The following DNAJC21 variants were observed in gnomAD, a reference collection of about 807,000 sequenced individuals.
DNAJC21 encodes the protein dnaJ homolog subfamily C member 21.
Under a neutral mutation model 72.4 loss-of-function variants are expected in DNAJC21, and 63 were observed. That is an observed-to-expected ratio of 0.87 (90% CI 0.71 to 1.07). The LOEUF (loss-of-function observed/expected upper bound fraction) is 1.07, where lower values mean the gene tolerates loss of function less well. Among genes scored for constraint, DNAJC21 ranks in the 50% least tolerant of loss-of-function variants. The probability of loss-of-function intolerance (pLI) is 0.00; values close to 1 mark genes in which losing one functional copy is unlikely to be tolerated. For missense variants in DNAJC21, 634 were observed against 644.8 expected, an observed-to-expected ratio of 0.98 and a Z score of 0.18; for synonymous variants, 203 against 216.7, an observed-to-expected ratio of 0.94 and a Z score of 0.56.
chr5:34,944,556 C>T (rs993748568), intron 7 of DNAJC21, among the ~76,000 whole-genome samples: 1 of 151,888 alleles, frequency 6.6e-6, no homozygotes, highest in Non-Finnish European at 1.5e-5. Flanking sequence ...TGCCGACATT[C>T]CCCCATCCCC....
At chr5:34,950,929 G>C (rs2112097101) in intron 10 of DNAJC21, 1 of 985,378 alleles carries the variant, frequency 1.0e-6, no homozygotes, top group Non-Finnish European at 1.2e-6. Flanking sequence ...GGTTCCTCTA[G>C]AACAGAGAAT....
intron 4 of DNAJC21, 94 bp downstream of exon 4, chr5:34,936,360 C>A: frequency 6.9e-7 from 1 of 1,456,340 alleles, no homozygotes; most frequent in Non-Finnish European, 9.3e-7. Context: ...ACTCTGTCAC[C>A]CAGGCTGCAG....
At position 34,956,539 on chromosome 5, in the gene DNAJC21, TTATGAA is replaced by T. The variant is rs1765543397; in HGVS notation, c.*1828_*1833del. On this transcript the variant is annotated 3_prime_UTR_variant, in exon 12 of 12. Coordinates refer to ENST00000648817, the MANE Select transcript of DNAJC21 (RefSeq NM_001012339.3). The stretch of plus-strand genomic sequence containing the variant: ...TCTGAACTAGATGAATTGGCCATAA[TTATGAA>T]TAGGAATATTAATGAACCAGAGGAC... 1 of 152,176 alleles carries T rather than the reference TTATGAA, an allele frequency of 6.6e-6. No homozygotes were observed. Among genetic ancestry groups the T allele is most frequent in the Non-Finnish European group, 1.5e-5 (1 of 68,034 alleles). 9.4% of individuals were successfully genotyped at this position (152,176 alleles called of 1,614,324 possible). A position where few individuals can be genotyped will look rare whatever the true frequency, so the allele number is the denominator to read the frequency against.
chr5:34,954,545 C>T lies in DNAJC21; in HGVS notation c.1435-8C>T, dbSNP rs1765476629. 2 of 1,589,148 alleles carry T rather than the reference C, an allele frequency of 1.3e-6. No individual in the cohort carries two copies. Among genetic ancestry groups the T allele is most frequent in the East Asian group, 2.3e-5 (1 of 44,230 alleles). On this transcript the variant is annotated splice_polypyrimidine_tract_variant and splice_region_variant and intron_variant, in intron 11 of 11. Transcript: ENST00000648817. ...TTACTTTTATTTATGATTTTTTGCCCTTCTCAGAGTGTTCTTATCAGCTGT... is the reference window on the plus strand; with the variant it reads ...TTACTTTTATTTATGATTTTTTGCCTTTCTCAGAGTGTTCTTATCAGCTGT...
chr5:34,945,046 T>G, intron 8 of DNAJC21, 21 bp downstream of exon 8: 1 of 1,607,384 alleles, frequency 6.2e-7, no homozygotes, highest in Non-Finnish European at 8.5e-7. Flanking sequence ...ATATTAAATG[T>G]CACTAGAAAT....
intron 2 of DNAJC21, 121 bp from the exon 3 acceptor site, chr5:34,935,589 G>T (rs994005872): frequency 2.1e-5 from 25 of 1,209,222 alleles, no homozygotes; most frequent in Non-Finnish European, 2.9e-5. Context: ...AAAATTTTTG[G>T]TTATGGATTG....
intron 10 of DNAJC21, chr5:34,951,482 CT>C: frequency 2.0e-6 from 2 of 985,312 alleles, no homozygotes; most frequent in Non-Finnish European, 2.4e-6. Context: ...CTCTGGGCCC[CT>C]GAACCCCTTT....
Position 34,941,174 on chromosome 5 carries a change from C to G in DNAJC21, c.974C>G (p.Thr325Arg), listed in dbSNP as rs767159672. ...CCAGCATGTGACAAATCGTTCAAGA[C>G]AGAAAAGGCGTAAGTTTATTAATTT... ...YCPACDKSFK[T>R]EKAMKNHEKS... Residue 325 changes from threonine (T) to arginine (R), a missense_variant, in exon 7 of 12, where the codon ACA becomes AGA. Physicochemically the swap from Thr to Arg is moderately conservative, Grantham distance 71. Coordinates refer to ENST00000648817, the MANE Select transcript of DNAJC21 (RefSeq NM_001012339.3). The G allele has an allele frequency of 6.2e-7, 1 of 1,613,908 alleles. No homozygotes were observed. Among genetic ancestry groups the G allele is most frequent in the East Asian group, 2.2e-5 (1 of 44,884 alleles).
At position 34,942,137 on chromosome 5, in the gene DNAJC21, C is replaced by T. The variant is rs764911856; in HGVS notation, c.983+954C>T. 1.2e-3 allele frequency among the ~76,000 whole-genome samples: 185 copies of T among 151,960 alleles called. 1 individual carries two copies. Among genetic ancestry groups the T allele is most frequent in the Non-Finnish European group, 6.6e-4 (45 of 68,000 alleles). On this transcript the variant is annotated intron_variant, in intron 7 of 11. Transcript: ENST00000648817. ...AGTCACATGGGCAAAAAGTCTAGAC[C>T]GTGTCTAATCATCTCCCTCCATCAT...
chr5:34,947,027 C>G (rs1208782615), intron 9 of DNAJC21, among the ~76,000 whole-genome samples: 3 of 152,086 alleles, frequency 2.0e-5, no homozygotes, highest in Non-Finnish European at 4.4e-5. Flanking sequence ...TTTCTAAGCT[C>G]TTTTTGAAGG....
intron 5 of DNAJC21, among the ~76,000 whole-genome samples, chr5:34,938,353 C>G (rs1764866627): frequency 6.6e-6 from 1 of 152,180 alleles, no homozygotes; most frequent in African/African-American, 2.4e-5. Context: ...GGAATTGAAC[C>G]TGAGAATTCT....
chr5:34,951,367 A>T (rs1470754062), intron 10 of DNAJC21: 15 of 985,270 alleles, frequency 1.5e-5, no homozygotes, highest in Middle Eastern at 5.2e-4. Context: ...AAAGGCTGAC[A>T]CTTCATTCCA....
chr5:34,938,068 A>C (rs1561183825), intron 5 of DNAJC21, among the ~76,000 whole-genome samples: 1 of 152,120 alleles, frequency 6.6e-6, no homozygotes, highest in Non-Finnish European at 1.5e-5. Context: ...AAAGTGCTGG[A>C]ATTACAGGTA....
intron 1 of DNAJC21, 184 bp downstream of exon 1, chr5:34,930,100 C>T: frequency 2.4e-6 from 1 of 417,888 alleles, no homozygotes; most frequent in Middle Eastern, 6.9e-4. Flanking sequence ...GCGCTCTGCC[C>T]TGGCGCACCC....
intron 4 of DNAJC21, 119 bp from the exon 5 acceptor site, chr5:34,937,207 T>C: frequency 9.9e-7 from 1 of 1,012,626 alleles, no homozygotes; most frequent in South Asian, 1.8e-5. Context: ...CAGAGATTAT[T>C]AGAAGTGTTA....
chr5:34,936,217 A>C lies in DNAJC21; in HGVS notation c.389A>C (p.Glu130Ala). 1 of 1,614,132 alleles carries C rather than the reference A, an allele frequency of 6.2e-7. No homozygotes were observed. The highest frequency in any genetic ancestry group is 2.2e-5 in the East Asian group (1 of 44,862). The change falls in exon 4 of 12, where the codon GAG (glutamate) becomes GCG (alanine). Residue 130 changes from glutamate (E) to alanine (A), a missense_variant. By Grantham distance (107) the Glu-to-Ala change is moderately radical. Coordinates refer to ENST00000648817, the MANE Select transcript of DNAJC21 (RefSeq NM_001012339.3). The stretch of plus-strand genomic sequence containing the variant: ...GAACTAGAATCTGTGTTAGAGGAAG[A>C]GGTTGATGATTTCCCAACTTTTGGA... ...KEELESVLEE[E>A]VDDFPTFGDS... is the part of the protein sequence containing the mutation.
intron 8 of DNAJC21, 44 bp from the exon 9 acceptor site, chr5:34,945,716 TC>T: frequency 6.6e-7 from 1 of 1,514,122 alleles, no homozygotes; most frequent in Middle Eastern, 1.8e-4. Flanking sequence ...CACTTACTCT[TC>T]ACAGAGTCAA....
chr5:34,929,666 C>T lies in DNAJC21; in HGVS notation c.-154C>T. The T allele has an allele frequency of 5.5e-6, 1 of 181,352 alleles. No individual in the cohort carries two copies. Among genetic ancestry groups the T allele is most frequent in the Non-Finnish European group, 1.0e-5 (1 of 96,022 alleles). The allele number at this position is 181,352 out of a possible 1,614,324, so 11.2% of individuals were successfully genotyped here. On this transcript the variant is annotated 5_prime_UTR_variant, in exon 1 of 12. Coordinates refer to ENST00000648817, the MANE Select transcript of DNAJC21 (RefSeq NM_001012339.3). ...TCACTGACCTACACCACCGCCGCCG[C>T]CGCCGCCGCCGCCGGGCTCGCTGGC...
At position 34,958,849 on chromosome 5, in the gene DNAJC21, TA is replaced by T. The variant is rs1016051578; in HGVS notation, c.*4142del. ...TTCTGTTAGAATTTAAAAATTATGT[TA>T]AAAAAATAAGAAGAATGACTATTTT... On this transcript the variant is annotated 3_prime_UTR_variant, in exon 12 of 12. Coordinates refer to ENST00000648817, the MANE Select transcript of DNAJC21 (RefSeq NM_001012339.3). 4 of 152,124 alleles carry T rather than the reference TA, an allele frequency of 2.6e-5. No homozygotes were observed. Among genetic ancestry groups the T allele is most frequent in the Non-Finnish European group, 4.4e-5 (3 of 68,008 alleles). 9.4% of individuals were successfully genotyped at this position (152,124 alleles called of 1,614,324 possible). A position where few individuals can be genotyped will look rare whatever the true frequency, so the allele number is the denominator to read the frequency against.
Sources: allele counts gnomAD v4.1 joint callset (sites outside exome capture counted in the v4.1 genomes callset), GRCh38; gene constraint gnomAD v4.1.1; transcripts MANE v1.5; gene names NCBI Gene and HGNC (gene_info 2026-07-23, HGNC 2026-07-21).